Variants in PACRG observed in about 807,000 individuals in gnomAD.
The protein encoded by PACRG is parkin coregulated.
Under a neutral mutation model 29.7 loss-of-function variants are expected in PACRG, and 29 were observed. The ratio of observed to expected loss-of-function variants is 0.98; its 90% CI spans 0.73 to 1.33. The LOEUF (loss-of-function observed/expected upper bound fraction) is 1.33. Ranked by LOEUF, PACRG falls within the 40% of genes most tolerant of loss-of-function variation. The probability of loss-of-function intolerance (pLI) is 0.00; values close to 1 mark genes in which losing one functional copy is unlikely to be tolerated. For missense variants in PACRG, 279 were observed against 316.2 expected (o/e 0.88, Z 0.89); for synonymous variants, 116 against 118.7 (o/e 0.98, Z 0.15).
At chr6:162,851,917 AAAGAG>A (rs1473505388) in intron 2 of PACRG, among the ~76,000 whole-genome samples, 1 of 151,424 alleles carries the variant, frequency 6.6e-6, no homozygotes, top group African/African-American at 2.4e-5. Context: ...AAAAGAAAGA[AAAGAG>A]AAAAGAAAAG....
At chr6:162,955,136 G>A (rs1016110608) in intron 2 of PACRG, among the ~76,000 whole-genome samples, 3 of 152,156 alleles carry the variant, frequency 2.0e-5, no homozygotes, top group African/African-American at 7.2e-5. Context: ...GAACCTGCAG[G>A]CAAGTGAGAT....
chr6:162,854,332 A>G (rs957607962), intron 2 of PACRG, among the ~76,000 whole-genome samples: 3 of 152,190 alleles, frequency 2.0e-5, no homozygotes, highest in Admixed American at 2.0e-4. Context: ...ATGATCTATT[A>G]AACTGGGAAC....
chr6:162,869,790 T>C (rs902850124), intron 2 of PACRG, among the ~76,000 whole-genome samples: 1 of 152,244 alleles, frequency 6.6e-6, no homozygotes, highest in African/African-American at 2.4e-5. Context: ...AAGAATATTC[T>C]TCCATAACAT....
At chr6:162,993,138 G>C (rs1403978191) in intron 2 of PACRG, among the ~76,000 whole-genome samples, 1 of 150,904 alleles carries the variant, frequency 6.6e-6, no homozygotes. Flanking sequence ...TTTTACATTT[G>C]CTGAGGAGAG....
chr6:162,770,271 T>C (rs1458396172), intron 1 of PACRG, among the ~76,000 whole-genome samples: 2 of 152,330 alleles, frequency 1.3e-5, no homozygotes, highest in African/African-American at 4.8e-5. Flanking sequence ...TTTAATTCAT[T>C]GCACAATTAT....
intron 1 of PACRG, among the ~76,000 whole-genome samples, chr6:162,802,407 A>G (rs1404662002): frequency 6.6e-6 from 1 of 152,184 alleles, no homozygotes; most frequent in Non-Finnish European, 1.5e-5. Context: ...TCTGCACTTT[A>G]CATGTTTCTC....
Position 162,803,544 on chromosome 6 carries a change from G to A in PACRG, c.157-10603G>A, listed in dbSNP as rs116584622. 3.8e-3 allele frequency among the ~76,000 whole-genome samples: 576 copies of A among 152,184 alleles called. 4 individuals carry two copies. Among genetic ancestry groups the A allele is most frequent in the African/African-American group, 0.013 (560 of 41,520 alleles). On this transcript the variant is annotated intron_variant, in intron 1 of 4. Transcript: ENST00000366888. ...AAAGAGCAAATAAAGAAAAGACAGA[G>A]ACTTTCTTACACAAAATTTAAAACT...
At chr6:163,027,683 G>A (rs1477795419) in intron 2 of PACRG, among the ~76,000 whole-genome samples, 1 of 152,126 alleles carries the variant, frequency 6.6e-6, no homozygotes, top group African/African-American at 2.4e-5. Flanking sequence ...AAGACATCAC[G>A]TCAGGTTCGG....
chr6:162,812,564 T>TA (rs201339593), intron 1 of PACRG, among the ~76,000 whole-genome samples: 3,119 of 151,016 alleles, frequency 0.021, 48 homozygotes, highest in Middle Eastern at 0.055. Context: ...CTACCTTTTC[T>TA]AAAAAAAAAT....
chr6:162,945,867 A>G (rs989412888), intron 2 of PACRG, among the ~76,000 whole-genome samples: 1 of 152,066 alleles, frequency 6.6e-6, no homozygotes, highest in Non-Finnish European at 1.5e-5. Context: ...AACAATGGAA[A>G]CTCTTCAAAC....
intron 4 of PACRG, chr6:163,095,456 C>T (rs1051646330): frequency 5.7e-5 from 56 of 976,194 alleles, no homozygotes; most frequent in Non-Finnish European, 6.6e-5. Context: ...CCTGGAGCCA[C>T]GTAACAAATT....
chr6:163,041,086 C>G (rs951888960), intron 2 of PACRG, among the ~76,000 whole-genome samples: 9 of 152,028 alleles, frequency 5.9e-5, no homozygotes, highest in Non-Finnish European at 1.0e-4. Flanking sequence ...GCCTGTAATC[C>G]CAGCACTTTG....
intron 2 of PACRG, among the ~76,000 whole-genome samples, chr6:163,041,465 A>G (rs929036993): frequency 4.6e-5 from 7 of 152,120 alleles, no homozygotes; most frequent in African/African-American, 1.4e-4. Flanking sequence ...ATGAGATTTG[A>G]TGGTTTACAA....
At chr6:163,070,334 A>G (rs949156020) in intron 3 of PACRG, among the ~76,000 whole-genome samples, 6 of 152,158 alleles carry the variant, frequency 3.9e-5, no homozygotes, top group Non-Finnish European at 7.4e-5. Flanking sequence ...ACCAATAAAA[A>G]TAACTACAAC....
intron 4 of PACRG, among the ~76,000 whole-genome samples, chr6:163,259,771 C>A (rs1006249108): frequency 7.2e-5 from 11 of 152,214 alleles, no homozygotes. Context: ...GTTGCCCCAT[C>A]TGTGGCCCCT....
At chr6:163,184,766 T>C (rs1014421562) in intron 4 of PACRG, 2 of 152,050 alleles carry the variant, frequency 1.3e-5, no homozygotes, top group African/African-American at 4.8e-5. Flanking sequence ...CTTCAGGCAT[T>C]AATATAAAGA....
In PACRG at chr6:163,291,417, G is replaced by A. The variant is rs570462818; in HGVS notation, c.614-23410G>A. Among the ~76,000 whole-genome samples, 8 of 149,606 alleles carry A rather than the reference G, an allele frequency of 5.3e-5. No homozygotes were observed. In the East Asian group the frequency reaches 1.6e-3, roughly 30 times the overall value. On this transcript the variant is annotated intron_variant, in intron 4 of 4. Coordinates refer to ENST00000366888, the MANE Select transcript of PACRG (RefSeq NM_001080379.2). ...GCAAGATGACCCTCTGCCTGCCCGA[G>A]CTGGCCTGCGGGTCACCCTGCAAGA...
chr6:163,150,286 G>A (rs1778025918), intron 4 of PACRG, among the ~76,000 whole-genome samples: 1 of 152,108 alleles, frequency 6.6e-6, no homozygotes, highest in Non-Finnish European at 1.5e-5. Context: ...TGCCCCAAGG[G>A]CATCCCGGAG....
intron 4 of PACRG, among the ~76,000 whole-genome samples, chr6:163,301,156 C>A (rs561225788): frequency 6.6e-6 from 1 of 152,200 alleles, no homozygotes; most frequent in Non-Finnish European, 1.5e-5. Flanking sequence ...CTTATCAGGG[C>A]TGCATGTCTC....
Sources: allele counts gnomAD v4.1 joint callset (sites outside exome capture counted in the v4.1 genomes callset), GRCh38; gene constraint gnomAD v4.1.1; transcripts MANE v1.5; gene names NCBI Gene and HGNC (gene_info 2026-07-23, HGNC 2026-07-21).